Variants in CPSF6 observed in about 807,000 individuals in gnomAD.
The protein encoded by CPSF6 is cleavage and polyadenylation specificity factor subunit 6.
CPSF6 carries 10 observed loss-of-function variants against 56.7 expected under a neutral mutation model. The observed-to-expected ratio is 0.18, with a 90% confidence interval of 0.11 to 0.30. The LOEUF is 0.30. Among genes scored for constraint, CPSF6 ranks in the 10% least tolerant of loss-of-function variants. The probability of loss-of-function intolerance (pLI) is 1.00; values close to 1 mark genes in which losing one functional copy is unlikely to be tolerated. For synonymous variants in CPSF6, 248 were observed against 244.8 expected (o/e 1.01, Z -0.12); for missense variants, 419 against 722.9 (o/e 0.58, Z 4.82).
At chr12:69,246,238 A>G (rs887517304) in intron 1 of CPSF6, among the ~76,000 whole-genome samples, 1 of 152,206 alleles carries the variant, frequency 6.6e-6, no homozygotes. Flanking sequence ...GTCATTATGT[A>G]TGTATTCTAG....
chr12:69,242,227 G>C (rs1565641102), intron 1 of CPSF6, among the ~76,000 whole-genome samples: 2 of 151,808 alleles, frequency 1.3e-5, no homozygotes, highest in Non-Finnish European at 2.9e-5. Context: ...TTGTTTTCCA[G>C]TGTAAACTGC....
chr12:69,256,903 G>A, intron 4 of CPSF6, 61 bp downstream of exon 4: 1 of 1,403,614 alleles, frequency 7.1e-7, no homozygotes, highest in Non-Finnish European at 9.7e-7. Context: ...CATTTGTTAG[G>A]TGTTATACTA....
chr12:69,259,565 ATATTTCT>A, intron 7 of CPSF6, 22 bp downstream of exon 7: 1 of 1,582,674 alleles, frequency 6.3e-7, no homozygotes, highest in Non-Finnish European at 8.6e-7. Context: ...TCTTGTATTA[ATATTTCT>A]TATTTATGTT....
At chr12:69,259,582 T>A in intron 7 of CPSF6, 39 bp downstream of exon 7, 1 of 1,538,752 alleles carries the variant, frequency 6.5e-7, no homozygotes, top group Non-Finnish European at 8.8e-7. Flanking sequence ...TTATTTATGT[T>A]ATTAGGAATG....
rs1347461252 is a variant in CPSF6 at position 69,251,350 on chromosome 12, T to C, written c.270+12T>C. On this transcript the variant is annotated intron_variant, in intron 2 of 9. Transcript: ENST00000435070. The stretch of plus-strand genomic sequence containing the variant: ...GAAATCTAACATGGGTAAGTGAAGT[T>C]AATATAAGAATTAAATTATTGGTAA... The C allele has an allele frequency of 2.1e-6, 3 of 1,448,618 alleles. No individual in the cohort carries two copies. In the East Asian group the frequency reaches 6.9e-5, roughly 33 times the overall value. The allele number at this position is 1,448,618 out of a possible 1,614,324, so 89.7% of individuals were successfully genotyped here.
Position 69,239,582 on chromosome 12 carries a change from C to T in CPSF6, c.-65C>T. On this transcript the variant is annotated 5_prime_UTR_variant, in exon 1 of 10. Transcript: ENST00000435070. ...CCCCCCACCGCCGCTAGATCCGCTGCTGCTGCCGCGGCGGGCAGACCTGCA... is the reference window on the plus strand; with the variant it reads ...CCCCCCACCGCCGCTAGATCCGCTGTTGCTGCCGCGGCGGGCAGACCTGCA... 6.6e-7 allele frequency: 1 copy of T among 1,520,266 alleles called. No individual in the cohort carries two copies. The highest frequency in any genetic ancestry group is 2.1e-5 in the Admixed American group (1 of 47,546). 94.2% of individuals were successfully genotyped at this position (1,520,266 alleles called of 1,614,324 possible).
intron 1 of CPSF6, 95 bp downstream of exon 1, chr12:69,239,801 G>A (rs1871503142): frequency 1.3e-5 from 16 of 1,238,866 alleles, no homozygotes; most frequent in Non-Finnish European, 1.6e-5. Flanking sequence ...CGAAGCGACT[G>A]CAGAGTGTGC....
intron 1 of CPSF6, among the ~76,000 whole-genome samples, chr12:69,240,732 G>GA (rs1871574520): frequency 6.8e-6 from 1 of 147,758 alleles, no homozygotes. Context: ...AAGGTTGAGC[G>GA]AAAGTGAGAA....
At chr12:69,241,414 G>A in intron 1 of CPSF6, among the ~76,000 whole-genome samples, 1 of 152,116 alleles carries the variant, frequency 6.6e-6, no homozygotes, top group East Asian at 1.9e-4. Flanking sequence ...GTAACTGCAA[G>A]GAACAACGAT....
rs1055273450 is a variant in CPSF6 at position 69,273,288 on chromosome 12, T to C, written c.*3780T>C. 3 of 383,588 alleles carry C rather than the reference T, an allele frequency of 7.8e-6. No homozygotes were observed. Among genetic ancestry groups the C allele is most frequent in the Non-Finnish European group, 1.6e-5 (3 of 188,270 alleles). The allele number at this position is 383,588 out of a possible 1,614,324, so 23.8% of individuals were successfully genotyped here. Reference sequence around the variant, plus strand: ...TTAACCAATGTTCTTTTTTTAGAATTTCAGGTTGTGGCATTCACTGAGTAT... The same window carrying C: ...TTAACCAATGTTCTTTTTTTAGAATCTCAGGTTGTGGCATTCACTGAGTAT... On this transcript the variant is annotated 3_prime_UTR_variant, in exon 10 of 10. Coordinates refer to ENST00000435070, the MANE Select transcript of CPSF6 (RefSeq NM_007007.3).
At chr12:69,257,612 A>C in intron 4 of CPSF6, 120 bp from the exon 5 acceptor site, 1 of 894,736 alleles carries the variant, frequency 1.1e-6, no homozygotes, top group East Asian at 2.7e-5. Context: ...TGTAGTTTGC[A>C]TAGGCACAAG....
chr12:69,253,083 T>A lies in CPSF6; in HGVS notation c.303T>A (p.Val101=), dbSNP rs776690469. Residue 101 remains valine (V), a synonymous_variant, in exon 3 of 10, where the codon GTT becomes GTA. Coordinates refer to ENST00000435070, the MANE Select transcript of CPSF6 (RefSeq NM_007007.3). The part of the protein sequence containing the change: ...WTTDEDLTEA[V]HSLGVNDILE... The stretch of plus-strand genomic sequence containing the variant: ...CAGATGAAGACTTAACTGAAGCAGT[T>A]CATTCTTTGGGAGTAAATGATATTT... The A allele has an allele frequency of 5.6e-5, 89 of 1,591,160 alleles. No individual in the cohort carries two copies. The highest frequency in any genetic ancestry group is 7.2e-5 in the Non-Finnish European group (84 of 1,168,910).
intron 9 of CPSF6, among the ~76,000 whole-genome samples, chr12:69,265,602 T>C (rs1022044766): frequency 2.7e-5 from 4 of 147,138 alleles, no homozygotes; most frequent in African/African-American, 1.0e-4. Context: ...TGATTACTTT[T>C]TTTTTTTTTT....
rs1020933304 is a variant in CPSF6, at chr12:69,256,759, A to C, written c.437A>C (p.Lys146Thr). 1 of 1,613,754 alleles carries C rather than the reference A, an allele frequency of 6.2e-7. No homozygotes were observed. The highest frequency in any genetic ancestry group is 8.5e-7 in the Non-Finnish European group (1 of 1,179,808). ...AAAAAGTTAATGGATCTGTTACCTA[A>C]AAGAGAACTTCATGGTCAGAATCCT... ...SSKKLMDLLP[K>T]RELHGQNPVV... Residue 146 changes from lysine (K) to threonine (T), a missense_variant, in exon 4 of 10, where the codon AAA (lysine) becomes ACA (threonine). By Grantham distance (78) the Lys-to-Thr change is moderately conservative. Transcript: ENST00000435070.
At position 69,270,637 on chromosome 12, in the gene CPSF6, A is replaced by T. The variant is rs1873198119; in HGVS notation, c.*1129A>T. The T allele has an allele frequency of 6.6e-6, 1 of 151,760 alleles. No individual in the cohort carries two copies. The highest frequency in any genetic ancestry group is 2.4e-5 in the African/African-American group (1 of 41,422). The allele number at this position is 151,760 out of a possible 1,614,324, so 9.4% of individuals were successfully genotyped here. A position where few individuals can be genotyped will look rare whatever the true frequency, so the allele number is the denominator to read the frequency against. On this transcript the variant is annotated 3_prime_UTR_variant, in exon 10 of 10. Coordinates refer to ENST00000435070, the MANE Select transcript of CPSF6 (RefSeq NM_007007.3). ...TATTTGTAATGGGAAATTACAGATA[A>T]ACCGTGTCTGCACAGTTTAAGGAAT...
rs1179410921 is a variant in CPSF6 at position 69,272,922 on chromosome 12, A to G, written c.*3414A>G. On this transcript the variant is annotated 3_prime_UTR_variant, in exon 10 of 10. Coordinates refer to ENST00000435070, the MANE Select transcript of CPSF6 (RefSeq NM_007007.3). ...TATGCGTTTTTTTAACCTTAACTTC[A>G]GTTTAAACACTGGTGTATTTATTTT... 4.8e-6 allele frequency: 1 copy of G among 206,338 alleles called. No individual in the cohort carries two copies. The highest frequency in any genetic ancestry group is 2.4e-5 in the African/African-American group (1 of 41,836). The allele number at this position is 206,338 out of a possible 1,614,324, so 12.8% of individuals were successfully genotyped here. A position where few individuals can be genotyped will look rare whatever the true frequency, so the allele number is the denominator to read the frequency against.
At chr12:69,260,902 T>A (rs1872714605) in intron 8 of CPSF6, among the ~76,000 whole-genome samples, 1 of 152,152 alleles carries the variant, frequency 6.6e-6, no homozygotes, top group African/African-American at 2.4e-5. Context: ...CATGAGCCAG[T>A]GTGCTCAGCC....
intron 1 of CPSF6, among the ~76,000 whole-genome samples, chr12:69,244,759 G>T (rs1160114035): frequency 6.6e-6 from 1 of 151,760 alleles, no homozygotes; most frequent in African/African-American, 2.4e-5. Context: ...CCTGCACAGG[G>T]TCAGGATTAT....
At chr12:69,265,598 C>CTTTTTT (rs56097101) in intron 9 of CPSF6, among the ~76,000 whole-genome samples, 1 of 99,796 alleles carries the variant, frequency 1.0e-5, no homozygotes, top group African/African-American at 3.8e-5. Context: ...TATCTGATTA[C>CTTTTTT]TTTTTTTTTT....
Sources: gnomAD v4.1 joint callset for allele counts (sites outside exome capture counted in the v4.1 genomes callset) on GRCh38, gnomAD v4.1.1 for gene constraint, MANE v1.5 for transcripts, NCBI Gene and HGNC (gene_info 2026-07-23, HGNC 2026-07-21) for gene names.